The following LHCGR variants were observed in gnomAD, a reference collection of about 807,000 sequenced individuals.
The protein encoded by LHCGR is lutropin-choriogonadotropic hormone receptor.
Under a neutral mutation model 60.7 loss-of-function variants are expected in LHCGR, and 55 were observed. That is an observed-to-expected ratio of 0.91 (90% CI 0.73 to 1.13). LHCGR has a LOEUF of 1.13. LHCGR is among the 50% of genes most tolerant of loss of function. The probability of loss-of-function intolerance (pLI) is 0.00; values close to 1 mark genes in which losing one functional copy is unlikely to be tolerated. For synonymous variants in LHCGR, 337 were observed against 316.5 expected, an observed-to-expected ratio of 1.06 and a Z score of -0.69; for missense variants, 862 against 836.0, an observed-to-expected ratio of 1.03 and a Z score of -0.38.
intron 7 of LHCGR, among the ~76,000 whole-genome samples, chr2:48,712,345 A>G (rs890376661): frequency 6.6e-6 from 1 of 152,122 alleles, no homozygotes; most frequent in Non-Finnish European, 1.5e-5. Context: ...AAAATACAGC[A>G]TGTTTCTTCA....
At chr2:48,693,104 G>A (rs1362869517) in intron 10 of LHCGR, among the ~76,000 whole-genome samples, 1 of 152,140 alleles carries the variant, frequency 6.6e-6, no homozygotes, top group African/African-American at 2.4e-5. Flanking sequence ...ATAAAGTCAT[G>A]TGGTTGCAAA....
chr2:48,737,214 T>C (rs1051256787), intron 1 of LHCGR, among the ~76,000 whole-genome samples: 1 of 152,204 alleles, frequency 6.6e-6, no homozygotes, highest in Non-Finnish European at 1.5e-5. Flanking sequence ...CCAACTATAT[T>C]ATTGATTTAA....
intron 8 of LHCGR, among the ~76,000 whole-genome samples, chr2:48,707,402 G>A (rs1395355645): frequency 6.6e-6 from 1 of 151,488 alleles, no homozygotes; most frequent in African/African-American, 2.4e-5. Context: ...CAGTCTGTCT[G>A]TTATCAGAGC....
At chr2:48,737,207 A>G (rs544103242) in intron 1 of LHCGR, among the ~76,000 whole-genome samples, 10 of 152,360 alleles carry the variant, frequency 6.6e-5, no homozygotes, top group Non-Finnish European at 1.0e-4. Context: ...AAAAATGCCA[A>G]CTATATTATT....
chr2:48,711,068 C>T (rs1299129262), intron 7 of LHCGR, among the ~76,000 whole-genome samples: 1 of 152,168 alleles, frequency 6.6e-6, no homozygotes, highest in Non-Finnish European at 1.5e-5. Context: ...CAACTTAGTT[C>T]CTTTTCCAGC....
At chr2:48,690,909 G>A (rs1680201283) in intron 10 of LHCGR, among the ~76,000 whole-genome samples, 1 of 152,230 alleles carries the variant, frequency 6.6e-6, no homozygotes, top group Non-Finnish European at 1.5e-5. Flanking sequence ...TTGGCTCAGA[G>A]TGTTCATTCA....
intron 1 of LHCGR, among the ~76,000 whole-genome samples, chr2:48,752,252 C>T (rs923966011): frequency 3.9e-5 from 6 of 152,148 alleles, no homozygotes; most frequent in African/African-American, 1.4e-4. Context: ...CAGCTATAAT[C>T]CATGTACCTT....
At position 48,755,601 on chromosome 2, in the gene LHCGR, G is replaced by C; in HGVS notation, c.71C>G (p.Ala24Gly). 1 of 1,535,724 alleles carries C rather than the reference G, an allele frequency of 6.5e-7. No homozygotes were observed. The highest frequency in any genetic ancestry group is 2.4e-5 in the East Asian group (1 of 40,832). The change falls in exon 1 of 11, where the codon GCG becomes GGG. Residue 24 changes from alanine (A) to glycine (G), a missense_variant. Transcript: ENST00000294954. ...LLLLQPPLPR[A>G]LREALCPEPC... ...CTCAGGGCAGAGCGCCTCGCGCAGCGCTCGTGGCAGCGGCGGCTGCAGCAG... is the reference window on the plus strand; with the variant it reads ...CTCAGGGCAGAGCGCCTCGCGCAGCCCTCGTGGCAGCGGCGGCTGCAGCAG...
chr2:48,687,989 T>C lies in LHCGR; in HGVS notation c.1808A>G (p.Asn603Ser). Reference protein sequence around the residue: ...AFKVPLITVTNSKVLLVLFYP... With the variant: ...AFKVPLITVTSSKVLLVLFYP... ...AAAAAGAACCAGTAAAACTTTAGAG[T>C]TGGTTACTGTGATAAGAGGTACTTT... Residue 603 changes from asparagine (N) to serine (S), a missense_variant, in exon 11 of 11, where the codon AAC becomes AGC. Asn to Ser is a conservative substitution (Grantham distance 46, BLOSUM62 1). Coordinates refer to ENST00000294954, the MANE Select transcript of LHCGR (RefSeq NM_000233.4). 4 of 1,613,860 alleles carry C rather than the reference T, an allele frequency of 2.5e-6. No homozygotes were observed. The highest frequency in any genetic ancestry group is 3.4e-6 in the Non-Finnish European group (4 of 1,179,958).
At chr2:48,720,816 G>A (rs1268096136) in intron 6 of LHCGR, 1 of 152,172 alleles carries the variant, frequency 6.6e-6, no homozygotes, top group Non-Finnish European at 1.5e-5. Flanking sequence ...TGATGCCTTG[G>A]TCTCCTCATC....
chr2:48,729,346 A>C, intron 2 of LHCGR, 119 bp from the exon 3 acceptor site: 1 of 797,400 alleles, frequency 1.3e-6, no homozygotes, highest in Middle Eastern at 2.3e-4. Context: ...CCCCCTGAAA[A>C]GAACAAAGAT....
At chr2:48,741,445 G>T (rs1254362288) in intron 1 of LHCGR, among the ~76,000 whole-genome samples, 1 of 124,972 alleles carries the variant, frequency 8.0e-6, no homozygotes, top group African/African-American at 2.7e-5. Context: ...CAGAGAGAAA[G>T]GTCAGGTTAC....
At chr2:48,730,223 T>G (rs1668930296) in intron 2 of LHCGR, among the ~76,000 whole-genome samples, 1 of 152,232 alleles carries the variant, frequency 6.6e-6, no homozygotes, top group African/African-American at 2.4e-5. Flanking sequence ...TCTTGGCTGA[T>G]TCATCTTATT....
intron 3 of LHCGR, among the ~76,000 whole-genome samples, 200 bp downstream of exon 3, chr2:48,728,953 C>T (rs1466553076): frequency 6.6e-6 from 1 of 152,152 alleles, no homozygotes; most frequent in East Asian, 1.9e-4. Context: ...TATACAGCTC[C>T]CAGGGAGAAG....
chr2:48,735,639 C>T (rs1020919756), intron 1 of LHCGR, among the ~76,000 whole-genome samples: 3 of 152,170 alleles, frequency 2.0e-5, no homozygotes, highest in East Asian at 1.9e-4. Context: ...TTGGCACAGA[C>T]GGTGACCCTG....
chr2:48,693,358 A>T (rs1666955115), intron 10 of LHCGR, among the ~76,000 whole-genome samples: 1 of 152,176 alleles, frequency 6.6e-6, no homozygotes, highest in Non-Finnish European at 1.5e-5. Context: ...AAAAGGGATA[A>T]ATTTTGCCAG....
chr2:48,712,253 A>G (rs1420962559), intron 7 of LHCGR, among the ~76,000 whole-genome samples: 1 of 151,982 alleles, frequency 6.6e-6, no homozygotes, highest in Non-Finnish European at 1.5e-5. Flanking sequence ...TGTGCAGTTT[A>G]TACACTATTT....
At chr2:48,695,198 T>G (rs973226161) in intron 9 of LHCGR, among the ~76,000 whole-genome samples, 13 of 152,172 alleles carry the variant, frequency 8.5e-5, no homozygotes, top group Admixed American at 3.9e-4. Context: ...TATTAGACCT[T>G]TGTCAAATGC....
chr2:48,695,704 A>G (rs980398148), intron 9 of LHCGR, among the ~76,000 whole-genome samples: 1 of 152,200 alleles, frequency 6.6e-6, no homozygotes, highest in Non-Finnish European at 1.5e-5. Flanking sequence ...ATGTAATTCT[A>G]TGCAGCCATA....
Sources: gnomAD v4.1 joint callset for allele counts (sites outside exome capture counted in the v4.1 genomes callset) on GRCh38, gnomAD v4.1.1 for gene constraint, MANE v1.5 for transcripts, NCBI Gene and HGNC (gene_info 2026-07-23, HGNC 2026-07-21) for gene names.